MSH4: variants seen among roughly 807,000 people sequenced by gnomAD.
MSH4 encodes the protein mutS homolog 4.
A neutral mutation model predicts 113.7 loss-of-function variants in MSH4; 106 were observed. The ratio of observed to expected loss-of-function variants is 0.93; its 90% CI spans 0.80 to 1.10. The LOEUF (loss-of-function observed/expected upper bound fraction) is 1.10. Ranked by LOEUF, MSH4 falls within the 50% of genes least tolerant of loss-of-function variation. The probability of loss-of-function intolerance (pLI) is 0.00; values close to 1 mark genes in which losing one functional copy is unlikely to be tolerated. For synonymous variants in MSH4, 368 were observed against 380.2 expected (o/e 0.97, Z 0.37); for missense variants, 1,061 against 1,093.7 (o/e 0.97, Z 0.42).
At chr1:75,802,753 A>G (rs772005663) in intron 1 of MSH4, among the ~76,000 whole-genome samples, 4 of 152,196 alleles carry the variant, frequency 2.6e-5, no homozygotes, top group Admixed American at 1.3e-4. Flanking sequence ...TGTTGCTTTT[A>G]AAAGAATACT....
chr1:75,858,661 G>T (rs527715591), intron 8 of MSH4, among the ~76,000 whole-genome samples: 1 of 152,094 alleles, frequency 6.6e-6, no homozygotes, highest in Non-Finnish European at 1.5e-5. Context: ...TGCTGGATTC[G>T]GTTTGCCAGT....
chr1:75,833,985 G>C (rs1650769026), intron 7 of MSH4, among the ~76,000 whole-genome samples: 1 of 152,188 alleles, frequency 6.6e-6, no homozygotes. Context: ...ACTATCATCA[G>C]AGTGAACAGG....
chr1:75,897,943 T>TG lies in MSH4; in HGVS notation c.2393dup (p.Cys798TrpfsTer4), dbSNP rs1652419790. 1.3e-6 allele frequency: 2 copies of TG among 1,592,610 alleles called. No individual in the cohort carries two copies. Reference sequence around the variant, plus strand: ...GTTTGCTACACATTTCCTGGAACTATGCCATATTGATGCCCTGTATCCTAA... The same window carrying TG: ...GTTTGCTACACATTTCCTGGAACTATGGCCATATTGATGCCCTGTATCCTAA... On this transcript the variant is annotated frameshift_variant, in exon 18 of 20. Coordinates refer to ENST00000263187, the MANE Select transcript of MSH4 (RefSeq NM_002440.4). LOFTEE classifies it high-confidence loss of function.
intron 7 of MSH4, among the ~76,000 whole-genome samples, chr1:75,835,731 A>C (rs1650813554): frequency 6.6e-6 from 1 of 152,068 alleles, no homozygotes; most frequent in Non-Finnish European, 1.5e-5. Context: ...CATCTTTTCT[A>C]GCTACCACTA....
intron 9 of MSH4, among the ~76,000 whole-genome samples, chr1:75,875,891 G>C (rs1651807440): frequency 6.6e-6 from 1 of 152,082 alleles, no homozygotes. Context: ...GGGAATGATA[G>C]TGATGCCAAA....
chr1:75,802,964 AC>A (rs1164310579), intron 1 of MSH4, among the ~76,000 whole-genome samples: 1 of 152,148 alleles, frequency 6.6e-6, no homozygotes, highest in African/African-American at 2.4e-5. Flanking sequence ...TTATAAAACC[AC>A]CAGTCCTACT....
At chr1:75,910,743 T>G (rs1221696732) in intron 19 of MSH4, among the ~76,000 whole-genome samples, 1 of 152,194 alleles carries the variant, frequency 6.6e-6, no homozygotes, top group African/African-American at 2.4e-5. Context: ...ATATTTCTCC[T>G]ACATATCTTA....
intron 1 of MSH4, among the ~76,000 whole-genome samples, chr1:75,802,065 A>G (rs1649949385): frequency 6.6e-6 from 1 of 152,124 alleles, no homozygotes; most frequent in Non-Finnish European, 1.5e-5. Flanking sequence ...GCTACTCGGG[A>G]GGGTGAGGTA....
At chr1:75,847,155 G>C (rs936739481) in intron 7 of MSH4, among the ~76,000 whole-genome samples, 3 of 152,158 alleles carry the variant, frequency 2.0e-5, no homozygotes, top group African/African-American at 7.2e-5. Context: ...TTCACTCACA[G>C]AGGCAGAGCC....
Position 75,815,113 on chromosome 1 carries a change from T to A in MSH4, c.792T>A (p.Thr264=). Residue 264 remains threonine, a synonymous_variant, in exon 5 of 20, where the codon ACT becomes ACA. Transcript: ENST00000263187. The stretch of plus-strand genomic sequence containing the variant: ...AGTTATGCATAGCAGAATTCAGCAC[T>A]GTCCTAATGGAGGTTCAGTCCAAGT... ...IEQLCIAEFS[T]VLMEVQSKYY... is the part of the protein sequence containing the mutation. 3 of 1,593,202 alleles carry A rather than the reference T, an allele frequency of 1.9e-6. No individual in the cohort carries two copies. Among genetic ancestry groups the A allele is most frequent in the Non-Finnish European group, 2.6e-6 (3 of 1,169,462 alleles).
chr1:75,837,398 T>G, intron 7 of MSH4, among the ~76,000 whole-genome samples: 1 of 149,314 alleles, frequency 6.7e-6, no homozygotes, highest in African/African-American at 2.5e-5. Flanking sequence ...TTTTTTTTTT[T>G]TTTTTTTTGA....
intron 7 of MSH4, among the ~76,000 whole-genome samples, chr1:75,829,128 G>A (rs1650624077): frequency 6.6e-6 from 1 of 152,214 alleles, no homozygotes; most frequent in African/African-American, 2.4e-5. Flanking sequence ...CAGCACACCA[G>A]GAGATTATAT....
intron 8 of MSH4, among the ~76,000 whole-genome samples, chr1:75,863,139 G>A (rs1651493985): frequency 6.6e-6 from 1 of 151,970 alleles, no homozygotes; most frequent in Non-Finnish European, 1.5e-5. Flanking sequence ...CTGCCATATA[G>A]AGTATCTGAA....
At chr1:75,829,671 A>G (rs1408501774) in intron 7 of MSH4, among the ~76,000 whole-genome samples, 1 of 152,212 alleles carries the variant, frequency 6.6e-6, no homozygotes, top group African/African-American at 2.4e-5. Context: ...ACCCAGGCAA[A>G]CAGGGTCTGG....
In MSH4 at chr1:75,854,246, T is replaced by G. The variant is rs1247355783; in HGVS notation, c.1230+5970T>G. 2.6e-5 allele frequency among the ~76,000 whole-genome samples: 4 copies of G among 151,762 alleles called. No homozygotes were observed. In the East Asian group the frequency reaches 7.7e-4, roughly 29 times the overall value. On this transcript the variant is annotated intron_variant, in intron 8 of 19. Transcript: ENST00000263187. ...AGAAGTCTTCATTATTCTTAATATA[T>G]TAATATATTTGATATATTCAGGAGG...
At chr1:75,869,596 C>T (rs1218928055) in intron 9 of MSH4, among the ~76,000 whole-genome samples, 1 of 152,152 alleles carries the variant, frequency 6.6e-6, no homozygotes, top group Non-Finnish European at 1.5e-5. Context: ...CGCAGTTGCT[C>T]CAGCTATGGC....
rs554540891 is a variant in MSH4, at chr1:75,874,992, A to T, written c.1306-1944A>T. On this transcript the variant is annotated intron_variant, in intron 9 of 19. Coordinates refer to ENST00000263187, the MANE Select transcript of MSH4 (RefSeq NM_002440.4). ...ACTGCAACGTTTGCCTCCCAGGCTCAAGCCATCCTCCCACCTCAGCCTCCT... is the reference window on the plus strand; with the variant it reads ...ACTGCAACGTTTGCCTCCCAGGCTCTAGCCATCCTCCCACCTCAGCCTCCT... Among the ~76,000 whole-genome samples, 6 of 152,252 alleles carry T rather than the reference A, an allele frequency of 3.9e-5. No homozygotes were observed. In the East Asian group the frequency reaches 1.2e-3, roughly 29 times the overall value.
chr1:75,803,893 C>T lies in MSH4; in HGVS notation c.407C>T (p.Thr136Ile). Residue 136 changes from threonine to isoleucine, a missense_variant, in exon 2 of 20, where the codon ACA (threonine) becomes ATA (isoleucine). Physicochemically the swap from Thr to Ile is moderately conservative, Grantham distance 89 (BLOSUM62 -1). Transcript: ENST00000263187. ...CAGAGATCAGGTTATAAGAGCTGGA[C>T]ACCACAAGTGGGATATTCAGGTAAA... ...NPQRSGYKSW[T>I]PQVGYSASSS... The T allele has an allele frequency of 1.9e-6, 3 of 1,549,948 alleles. No homozygotes were observed. The highest frequency in any genetic ancestry group is 2.6e-6 in the Non-Finnish European group (3 of 1,151,660).
Position 75,867,551 on chromosome 1 carries a change from A to G in MSH4, c.1268A>G (p.Tyr423Cys). The G allele has an allele frequency of 6.3e-7, 1 of 1,599,744 alleles. No homozygotes were observed. Among genetic ancestry groups the G allele is most frequent in the Non-Finnish European group, 8.5e-7 (1 of 1,172,346 alleles). Residue 423 changes from tyrosine (Y) to cysteine (C), a missense_variant, in exon 9 of 20, where the codon TAC (tyrosine) becomes TGC (cysteine). Tyr to Cys is a radical substitution (Grantham distance 194). Transcript: ENST00000263187. ...GAATCAAAGATAACAAATTTAATAT[A>G]CTTAAAACATACCTTGGAACTTGTG... ...AAESKITNLIYLKHTLELVDP... is the reference protein window; with the variant it reads ...AAESKITNLICLKHTLELVDP...
Sources: gnomAD v4.1 joint callset for allele counts (sites outside exome capture counted in the v4.1 genomes callset) on GRCh38, gnomAD v4.1.1 for gene constraint, MANE v1.5 for transcripts, NCBI Gene and HGNC (gene_info 2026-07-23, HGNC 2026-07-21) for gene names.